Variants in THADA observed in about 807,000 individuals in gnomAD.
The protein encoded by THADA is THADA armadillo repeat containing, also known as tRNA (32-2'-O)-methyltransferase regulator THADA.
In THADA, 213 loss-of-function variants were observed where a neutral mutation model predicts 219.8. That is an observed-to-expected ratio of 0.97 (90% CI 0.87 to 1.09). The LOEUF (loss-of-function observed/expected upper bound fraction) is 1.09. THADA is among the 50% of genes least tolerant of loss of function. The pLI is 0.00. For synonymous variants in THADA, 1,018 were observed against 828.9 expected, an observed-to-expected ratio of 1.23 and a Z score of -3.92; for missense variants, 2,956 against 2,311.3, an observed-to-expected ratio of 1.28 and a Z score of -5.72.
chr2:43,486,086 A>C (rs1686890816), intron 25 of THADA, among the ~76,000 whole-genome samples: 2 of 152,116 alleles, frequency 1.3e-5, no homozygotes, highest in South Asian at 4.1e-4. Flanking sequence ...CCTGTCTTTA[A>C]AAAAACAAAA....
At chr2:43,572,772 GATC>G (rs927521402) in intron 12 of THADA, 39 bp downstream of exon 12, 6 of 1,579,308 alleles carry the variant, frequency 3.8e-6, no homozygotes, top group Non-Finnish European at 5.2e-6. Flanking sequence ...ACATGAAAGG[GATC>G]TACTGCATGT....
intron 36 of THADA, among the ~76,000 whole-genome samples, chr2:43,263,129 T>A (rs1671147279): frequency 6.6e-6 from 1 of 152,126 alleles, no homozygotes; most frequent in Non-Finnish European, 1.5e-5. Flanking sequence ...TGTCACGTAG[T>A]TCCCTAAATG....
Position 43,574,662 on chromosome 2 carries a change from T to C in THADA, c.1403A>G (p.Glu468Gly), listed in dbSNP as rs575482607. ...LGCLVECIGV[E>G]HILAIDKTIP... ...AGTTTTATCTATAGCCAAAATATGT[T>C]CAACTCCTATGCACTCTACCAAACA... The change falls in exon 11 of 38, where the codon GAA becomes GGA. Residue 468 changes from glutamate (E) to glycine (G), a missense_variant. Physicochemically the swap from Glu to Gly is moderately conservative, Grantham distance 98. Transcript: ENST00000405975. The C allele has an allele frequency of 1.2e-4, 192 of 1,614,036 alleles. 2 individuals carry two copies. The South Asian group carries it at 2.0e-3, about 17-fold the overall frequency.
chr2:43,532,581 A>T (rs1694025017), intron 21 of THADA, among the ~76,000 whole-genome samples: 1 of 152,186 alleles, frequency 6.6e-6, no homozygotes, highest in Non-Finnish European at 1.5e-5. Flanking sequence ...TCAATAAACT[A>T]GGTATTGATG....
intron 14 of THADA, among the ~76,000 whole-genome samples, chr2:43,569,743 C>A (rs915110153): frequency 6.6e-6 from 1 of 151,924 alleles, no homozygotes; most frequent in African/African-American, 2.4e-5. Context: ...TCTGTCTGGG[C>A]CTGAGGAGCA....
intron 4 of THADA, among the ~76,000 whole-genome samples, chr2:43,589,853 G>C (rs1322453804): frequency 6.7e-6 from 1 of 150,190 alleles, no homozygotes; most frequent in Non-Finnish European, 1.5e-5. Flanking sequence ...TAAAAAAAAA[G>C]AATTCATAAA....
At chr2:43,536,786 CA>C (rs1258930098) in intron 21 of THADA, among the ~76,000 whole-genome samples, 1 of 152,026 alleles carries the variant, frequency 6.6e-6, no homozygotes, top group African/African-American at 2.4e-5. Context: ...ACTACTAACG[CA>C]AAGTAATTAA....
intron 28 of THADA, among the ~76,000 whole-genome samples, chr2:43,426,964 T>A (rs1374062179): frequency 6.6e-6 from 1 of 152,074 alleles, no homozygotes; most frequent in Non-Finnish European, 1.5e-5. Context: ...AGGCCTTTGA[T>A]CCAAAATGAA....
chr2:43,364,371 A>G (rs1249214627), intron 29 of THADA, among the ~76,000 whole-genome samples: 1 of 152,206 alleles, frequency 6.6e-6, no homozygotes, highest in African/African-American at 2.4e-5. Flanking sequence ...CCCCAGCACT[A>G]CTAACGTTCC....
chr2:43,336,260 C>T (rs1476149327), intron 30 of THADA, among the ~76,000 whole-genome samples: 1 of 151,828 alleles, frequency 6.6e-6, no homozygotes, highest in African/African-American at 2.4e-5. Context: ...CCATGTCTCT[C>T]AAAAAAACCA....
chr2:43,518,893 C>G (rs2103669276), intron 22 of THADA, among the ~76,000 whole-genome samples: 1 of 152,236 alleles, frequency 6.6e-6, no homozygotes, highest in Admixed American at 6.5e-5. Flanking sequence ...CCAGGTCACA[C>G]TATCTCCAAC....
chr2:43,246,474 G>A (rs1160978087), intron 36 of THADA, among the ~76,000 whole-genome samples: 1 of 151,708 alleles, frequency 6.6e-6, no homozygotes, highest in African/African-American at 2.4e-5. Context: ...CAGCCTGGGT[G>A]ACAGAGCAGG....
Position 43,485,261 on chromosome 2 carries a change from G to T in THADA, c.3809C>A (p.Ala1270Glu), listed in dbSNP as rs757187195. Residue 1270 changes from alanine to glutamate, a missense_variant, in exon 26 of 38, where the codon GCA (alanine) becomes GAA (glutamate). Coordinates refer to ENST00000405975, the MANE Select transcript of THADA (RefSeq NM_022065.5). ...ATTTGTTTTGGAATGTTCATCCTTT[G>T]CCCTTTTAACTCCAAAAATTCTTGT... ...LITRIFGVKR[A>E]KDEHSKTNRM... The T allele has an allele frequency of 3.1e-6, 5 of 1,612,616 alleles. No individual in the cohort carries two copies. The highest frequency in any genetic ancestry group is 4.2e-6 in the Non-Finnish European group (5 of 1,179,110).
chr2:43,581,106 A>T (rs1700393751), intron 8 of THADA, among the ~76,000 whole-genome samples: 1 of 152,192 alleles, frequency 6.6e-6, no homozygotes, highest in Non-Finnish European at 1.5e-5. Flanking sequence ...GTTAGGTGTC[A>T]CTTTTTCGTT....
intron 29 of THADA, among the ~76,000 whole-genome samples, chr2:43,385,154 A>G (rs142993204): frequency 2.1e-3 from 320 of 152,292 alleles, no homozygotes; most frequent in African/African-American, 7.4e-3. Flanking sequence ...AAACACAAAA[A>G]ACAAAAACAA....
At chr2:43,509,840 A>T (rs1205293997) in intron 22 of THADA, among the ~76,000 whole-genome samples, 1 of 152,168 alleles carries the variant, frequency 6.6e-6, no homozygotes, top group Non-Finnish European at 1.5e-5. Context: ...TTACAATTAC[A>T]TCTCCCTACT....
intron 30 of THADA, among the ~76,000 whole-genome samples, chr2:43,329,189 A>C (rs1024748964): frequency 3.3e-5 from 5 of 152,244 alleles, no homozygotes; most frequent in Admixed American, 3.3e-4. Context: ...TTAATAAACT[A>C]TGTGCTAGGA....
chr2:43,338,615 G>A (rs1396011788), intron 30 of THADA, among the ~76,000 whole-genome samples: 2 of 152,140 alleles, frequency 1.3e-5, no homozygotes, highest in Non-Finnish European at 2.9e-5. Flanking sequence ...TATAGTATTT[G>A]TCTTTTTGTG....
At chr2:43,410,488 C>T (rs1018416388) in intron 28 of THADA, among the ~76,000 whole-genome samples, 5 of 152,236 alleles carry the variant, frequency 3.3e-5, no homozygotes, top group Admixed American at 6.5e-5. Context: ...ACATAAATGT[C>T]GTTCAACAGC....
Sources: allele counts gnomAD v4.1 joint callset (sites outside exome capture counted in the v4.1 genomes callset), GRCh38; gene constraint gnomAD v4.1.1; transcripts MANE v1.5; gene names NCBI Gene and HGNC (gene_info 2026-07-23, HGNC 2026-07-21).